Variants in NDST3 observed in about 807,000 individuals in gnomAD.
The protein encoded by NDST3 is bifunctional heparan sulfate N-deacetylase/N-sulfotransferase 3.
Under a neutral mutation model 96.1 loss-of-function variants are expected in NDST3, and 58 were observed. The ratio of observed to expected loss-of-function variants is 0.60; its 90% CI spans 0.49 to 0.75. NDST3 has a LOEUF of 0.75. NDST3 is among the 30% of genes least tolerant of loss of function. The pLI, the probability that NDST3 is intolerant of heterozygous loss-of-function variation, is 0.00. For missense variants in NDST3, 788 were observed against 1,034.2 expected (o/e 0.76, Z 3.27); for synonymous variants, 333 against 359.7 (o/e 0.93, Z 0.84).
Position 118,258,542 on chromosome 4 carries a change from TTC to T in NDST3, c.*2834_*2835del, listed in dbSNP as rs1488618729. ...AATGAAAATTACTGGAAACATTTTT[TTC>T]TCTGAGTTTTTTAAAATAAAAAACC... On this transcript the variant is annotated 3_prime_UTR_variant, in exon 14 of 14. Transcript: ENST00000296499. 1 of 152,184 alleles carries T rather than the reference TTC, an allele frequency of 6.6e-6. No homozygotes were observed. Among genetic ancestry groups the T allele is most frequent in the African/African-American group, 2.4e-5 (1 of 41,460 alleles). The allele number at this position is 152,184 out of a possible 1,614,324, so 9.4% of individuals were successfully genotyped here.
rs745695434 is a variant in NDST3 at position 118,240,603 on chromosome 4, C to T, written c.2198C>T (p.Ser733Leu). 1.2e-5 allele frequency: 20 copies of T among 1,613,894 alleles called. No homozygotes were observed. The highest frequency in any genetic ancestry group is 1.6e-5 in the Non-Finnish European group (19 of 1,179,928). ...ATCTCAGCAGGGCCCCGTGCACCCT[C>T]GGAGCTCAGAGCCTTGCAGAAGAGA... is the stretch of plus-strand genomic sequence containing the variant. ...EVISAGPRAP[S>L]ELRALQKRCL... Residue 733 changes from serine (S) to leucine (L), a missense_variant, in exon 11 of 14, where the codon TCG becomes TTG. This residue lies in a region of NDST3 where 490 missense variants were observed against 708.8 expected (regional missense o/e 0.69). Transcript: ENST00000296499.
chr4:118,126,238 T>C (rs943857558), intron 4 of NDST3, among the ~76,000 whole-genome samples: 2 of 152,066 alleles, frequency 1.3e-5, no homozygotes, highest in African/African-American at 4.8e-5. Flanking sequence ...TATTTTGTGC[T>C]CATTAATCAT....
chr4:118,169,622 C>T (rs564054522), intron 6 of NDST3, among the ~76,000 whole-genome samples: 1 of 150,218 alleles, frequency 6.7e-6, no homozygotes, highest in Non-Finnish European at 1.5e-5. Flanking sequence ...GGCAAAACCC[C>T]GTCTTTACTA....
At chr4:118,198,096 C>T (rs1427168209) in intron 6 of NDST3, among the ~76,000 whole-genome samples, 1 of 152,068 alleles carries the variant, frequency 6.6e-6, no homozygotes, top group African/African-American at 2.4e-5. Flanking sequence ...CCACACCTGG[C>T]CTCATTGTTT....
intron 6 of NDST3, chr4:118,194,025 C>T (rs1463974938): frequency 5.9e-6 from 8 of 1,352,882 alleles, no homozygotes; most frequent in South Asian, 1.2e-5. Context: ...TTGGTCTTTT[C>T]AAAACTCTTG....
At position 118,138,119 on chromosome 4, in the gene NDST3, A is replaced by C; in HGVS notation, c.1290A>C (p.Val430=). ...VAPHHSGVYP[V]HVQLYEAWKK... ...CTCACCATTCGGGCGTCTACCCTGTACATGTTCAGCTTTATGAGGCCTGGA... is the reference window on the plus strand; with the variant it reads ...CTCACCATTCGGGCGTCTACCCTGTCCATGTTCAGCTTTATGAGGCCTGGA... Residue 430 remains valine, a synonymous_variant, in exon 5 of 14, where the codon GTA becomes GTC. Coordinates refer to ENST00000296499, the MANE Select transcript of NDST3 (RefSeq NM_004784.3). 6.2e-7 allele frequency: 1 copy of C among 1,614,016 alleles called. No individual in the cohort carries two copies. The highest frequency in any genetic ancestry group is 8.5e-7 in the Non-Finnish European group (1 of 1,179,950).
In NDST3 at chr4:118,054,843, T is replaced by C. The variant is rs759899430; in HGVS notation, c.933T>C (p.Asp311=). ...GGTACATTCTTGTGGATATTGATGA[T>C]ATATTTGTGGGAAAAGAGGGAACAA... The part of the protein sequence containing the change: ...LDRYILVDID[D]IFVGKEGTRM... The change falls in exon 2 of 14, where the codon GAT becomes GAC. Residue 311 remains aspartate, a synonymous_variant. Coordinates refer to ENST00000296499, the MANE Select transcript of NDST3 (RefSeq NM_004784.3). 1 of 1,612,728 alleles carries C rather than the reference T, an allele frequency of 6.2e-7. No individual in the cohort carries two copies. The highest frequency in any genetic ancestry group is 8.5e-7 in the Non-Finnish European group (1 of 1,179,224).
intron 2 of NDST3, among the ~76,000 whole-genome samples, chr4:118,086,149 T>C (rs1425963642): frequency 6.6e-6 from 1 of 152,194 alleles, no homozygotes; most frequent in Non-Finnish European, 1.5e-5. Context: ...TTCAAACCCA[T>C]AAATCTTCTG....
chr4:118,141,672 C>T (rs1733582949), intron 5 of NDST3, among the ~76,000 whole-genome samples: 1 of 152,162 alleles, frequency 6.6e-6, no homozygotes, highest in South Asian at 2.1e-4. Context: ...AAACTGAACC[C>T]TAGAAGTGAT....
Position 118,094,227 on chromosome 4 carries a change from G to A in NDST3, c.982-10791G>A, listed in dbSNP as rs565874627. ...TCTCATAGGCATTTTGCTTATTTTT[G>A]CATCTGCAATGTAATTCTAGTGGAT... On this transcript the variant is annotated intron_variant, in intron 2 of 13. Transcript: ENST00000296499. Among the ~76,000 whole-genome samples the A allele has an allele frequency of 4.6e-5, 7 of 151,898 alleles. No homozygotes were observed. In the South Asian group the frequency reaches 1.2e-3, roughly 27 times the overall value.
At chr4:118,220,655 C>T (rs770407425) in intron 6 of NDST3, among the ~76,000 whole-genome samples, 3 of 151,756 alleles carry the variant, frequency 2.0e-5, no homozygotes, top group Non-Finnish European at 4.4e-5. Context: ...GAATTAGGAG[C>T]CAAATTCACA....
chr4:118,127,759 T>C (rs1732239537), intron 4 of NDST3, among the ~76,000 whole-genome samples: 1 of 152,136 alleles, frequency 6.6e-6, no homozygotes, highest in Non-Finnish European at 1.5e-5. Context: ...AAGATTTCAT[T>C]GAATCTGTAG....
intron 4 of NDST3, among the ~76,000 whole-genome samples, chr4:118,117,451 T>C (rs1731217221): frequency 1.3e-5 from 2 of 152,194 alleles, no homozygotes; most frequent in African/African-American, 4.8e-5. Context: ...ATGGCATTTG[T>C]TTAATGTGAA....
intron 8 of NDST3, among the ~76,000 whole-genome samples, chr4:118,228,743 C>A (rs1162930948): frequency 6.6e-6 from 1 of 151,994 alleles, no homozygotes; most frequent in African/African-American, 2.4e-5. Context: ...GCAGTCTATC[C>A]CCCCCGATCC....
chr4:118,144,991 C>T (rs913583882), intron 6 of NDST3, among the ~76,000 whole-genome samples: 1 of 152,022 alleles, frequency 6.6e-6, no homozygotes, highest in Non-Finnish European at 1.5e-5. Flanking sequence ...AAAACCTGCT[C>T]GTGTATTCAA....
chr4:118,060,426 T>G (rs1026626402), intron 2 of NDST3, among the ~76,000 whole-genome samples: 3 of 152,116 alleles, frequency 2.0e-5, no homozygotes, highest in African/African-American at 7.2e-5. Context: ...TTTATATATT[T>G]TTAATCTCTC....
intron 6 of NDST3, among the ~76,000 whole-genome samples, chr4:118,213,453 T>C (rs546010093): frequency 1.3e-5 from 2 of 152,292 alleles, no homozygotes; most frequent in South Asian, 4.1e-4. Context: ...GTATCAATGA[T>C]GATGACCAAT....
In NDST3 at chr4:118,053,745, C is replaced by T; in HGVS notation, c.-155-11C>T. Reference sequence around the variant, plus strand: ...CAAACTGACTGTTTTATATTCTTTTCTATTTTTCAGACTGTATTTTCTGTG... The same window carrying T: ...CAAACTGACTGTTTTATATTCTTTTTTATTTTTCAGACTGTATTTTCTGTG... On this transcript the variant is annotated splice_polypyrimidine_tract_variant and intron_variant, in intron 1 of 13. Coordinates refer to ENST00000296499, the MANE Select transcript of NDST3 (RefSeq NM_004784.3). 1 of 686,082 alleles carries T rather than the reference C, an allele frequency of 1.5e-6. No individual in the cohort carries two copies. Among genetic ancestry groups the T allele is most frequent in the Non-Finnish European group, 2.3e-6 (1 of 437,776 alleles). 42.5% of individuals were successfully genotyped at this position (686,082 alleles called of 1,614,324 possible). A position where few individuals can be genotyped will look rare whatever the true frequency, so the allele number is the denominator to read the frequency against.
chr4:118,130,004 C>T (rs1360479066), intron 4 of NDST3, among the ~76,000 whole-genome samples: 1 of 151,944 alleles, frequency 6.6e-6, no homozygotes, highest in Admixed American at 6.6e-5. Context: ...AGGATAACTA[C>T]TCCTGTTCAT....
Sources: allele counts gnomAD v4.1 joint callset (sites outside exome capture counted in the v4.1 genomes callset), GRCh38; gene constraint gnomAD v4.1.1; regional missense constraint gnomAD v4.1.1; transcripts MANE v1.5; gene names NCBI Gene and HGNC (gene_info 2026-07-23, HGNC 2026-07-21).